The following ZNF93 variants were observed in gnomAD, a reference collection of about 807,000 sequenced individuals.
The protein encoded by ZNF93 is zinc finger protein 93.
ZNF93 carries 29 observed loss-of-function variants against 45.0 expected under a neutral mutation model. The observed-to-expected ratio is 0.64, with a 90% CI of 0.48 to 0.88. ZNF93 has a LOEUF of 0.88. Among genes scored for constraint, ZNF93 ranks in the 40% least tolerant of loss-of-function variants. The pLI is 0.00. For synonymous variants in ZNF93, 223 were observed against 244.6 expected, an observed-to-expected ratio of 0.91 and a Z score of 0.82; for missense variants, 578 against 724.0, an observed-to-expected ratio of 0.80 and a Z score of 2.31.
At chr19:19,906,148 C>T (rs958645653) in intron 1 of ZNF93, among the ~76,000 whole-genome samples, 1 of 151,900 alleles carries the variant, frequency 6.6e-6, no homozygotes, top group East Asian at 1.9e-4. Context: ...CTCCCACCAG[C>T]GGAGTATAAG....
At chr19:19,924,278 A>G (rs1453694158) in intron 3 of ZNF93, among the ~76,000 whole-genome samples, 1 of 151,996 alleles carries the variant, frequency 6.6e-6, no homozygotes, top group Non-Finnish European at 1.5e-5. Flanking sequence ...TTTAGTAGAG[A>G]TGAGGTTTCA....
intron 3 of ZNF93, among the ~76,000 whole-genome samples, chr19:19,919,669 A>G (rs143779429): frequency 6.6e-6 from 1 of 152,092 alleles, no homozygotes; most frequent in African/African-American, 2.4e-5. Flanking sequence ...GATCCTTCAC[A>G]TCCCTTTTAA....
intron 1 of ZNF93, chr19:19,909,270 G>A (rs771940423): frequency 2.0e-4 from 30 of 152,396 alleles, no homozygotes; most frequent in Non-Finnish European, 3.8e-4. Context: ...TAGCAACTAG[G>A]AGAAAGTAAA....
intron 1 of ZNF93, among the ~76,000 whole-genome samples, chr19:19,910,747 A>T (rs2063305454): frequency 6.6e-6 from 1 of 151,972 alleles, no homozygotes; most frequent in South Asian, 2.1e-4. Context: ...ACTTGCTGTA[A>T]CACCAAAGGA....
chr19:19,914,033 TC>T lies in ZNF93; in HGVS notation c.4-1246del, dbSNP rs1555779749. On this transcript the variant is annotated intron_variant, in intron 1 of 3. Coordinates refer to ENST00000343769, the MANE Select transcript of ZNF93 (RefSeq NM_031218.4). ...ATTTCTTTTTTATATCCCACAGACT[TC>T]TCTACATTCTGTTTGTCATAGCTTC... 3.8e-5 allele frequency among the ~76,000 whole-genome samples: 4 copies of T among 105,366 alleles called. No individual in the cohort carries two copies. The Admixed American group carries it at 3.9e-4, about 10-fold the overall frequency. 69.1% of individuals were successfully genotyped at this position (105,366 alleles called of 152,430 possible).
At chr19:19,901,219 C>G (rs1415797795) in intron 1 of ZNF93, 128 bp downstream of exon 1, 1 of 1,482,104 alleles carries the variant, frequency 6.7e-7, no homozygotes, top group Admixed American at 1.7e-5. Flanking sequence ...TCTTGCCCAG[C>G]TCGGCCTCGG....
intron 3 of ZNF93, among the ~76,000 whole-genome samples, chr19:19,922,544 G>T (rs530285926): frequency 5.9e-5 from 9 of 152,296 alleles, no homozygotes; most frequent in African/African-American, 1.9e-4. Context: ...TTCCAGCTTG[G>T]TTCCATTCTC....
chr19:19,929,855 G>A (rs903524904), intron 3 of ZNF93, among the ~76,000 whole-genome samples: 5 of 146,254 alleles, frequency 3.4e-5, no homozygotes, highest in Non-Finnish European at 6.0e-5. Context: ...GGAGAATGGC[G>A]TGAACCCGGG....
rs970431745 is a variant in ZNF93 at position 19,934,782 on chromosome 19, T to G, written c.1827T>G (p.Ser609Arg). 1 of 1,601,578 alleles carries G rather than the reference T, an allele frequency of 6.2e-7. No homozygotes were observed. The highest frequency in any genetic ancestry group is 1.7e-5 in the Admixed American group (1 of 57,692). ...GKAFISPSSL[S>R]RHEIIHTGEK... ...CCTTTATTTCACCCTCAAGCCTTAG[T>G]AGACATGAGATAATTCATACTGGGG... is the stretch of plus-strand genomic sequence containing the variant. Residue 609 changes from serine to arginine, a missense_variant, in exon 4 of 4, where the codon AGT (serine) becomes AGG (arginine). Physicochemically the swap from Ser to Arg is moderately radical, Grantham distance 110 (BLOSUM62 -1). This residue lies in a region of ZNF93 where 119 missense variants were observed against 123.1 expected (regional missense o/e 0.97). Transcript: ENST00000343769.
chr19:19,932,077 C>G (rs530768507), intron 3 of ZNF93: 2 of 296,960 alleles, frequency 6.7e-6, no homozygotes, highest in Non-Finnish European at 1.3e-5. Flanking sequence ...AGATCGAGAC[C>G]ATCTGGCCAA....
rs2063388509 is a variant in ZNF93, at chr19:19,934,901, T to C, written c.*83T>C. On this transcript the variant is annotated 3_prime_UTR_variant, in exon 4 of 4. Coordinates refer to ENST00000343769, the MANE Select transcript of ZNF93 (RefSeq NM_031218.4). Reference sequence around the variant, plus strand: ...GAGTTCTGAACTTACTCTGTAACCATCCCAAACTCCTCCCAGGCACAGTCT... The same window carrying C: ...GAGTTCTGAACTTACTCTGTAACCACCCCAAACTCCTCCCAGGCACAGTCT... 4 of 1,420,772 alleles carry C rather than the reference T, an allele frequency of 2.8e-6. No homozygotes were observed. Among genetic ancestry groups the C allele is most frequent in the Non-Finnish European group, 3.8e-6 (4 of 1,054,218 alleles). 88.0% of individuals were successfully genotyped at this position (1,420,772 alleles called of 1,614,324 possible). A position where few individuals can be genotyped will look rare whatever the true frequency, so the allele number is the denominator to read the frequency against.
At chr19:19,902,320 G>A (rs2063275523) in intron 1 of ZNF93, among the ~76,000 whole-genome samples, 1 of 151,886 alleles carries the variant, frequency 6.6e-6, no homozygotes, top group African/African-American at 2.4e-5. Context: ...GTACAGTGGC[G>A]CAATCATGGC....
intron 3 of ZNF93, among the ~76,000 whole-genome samples, chr19:19,928,355 A>G (rs1275585705): frequency 6.6e-6 from 1 of 152,176 alleles, no homozygotes; most frequent in African/African-American, 2.4e-5. Context: ...TGTAGGTTGT[A>G]TTGATATCTT....
intron 3 of ZNF93, among the ~76,000 whole-genome samples, chr19:19,929,148 A>C (rs1435881538): frequency 6.6e-6 from 1 of 152,106 alleles, no homozygotes; most frequent in Non-Finnish European, 1.5e-5. Context: ...TGGCTTCTTC[A>C]CCTCATACTT....
At chr19:19,931,962 C>T (rs1161654090) in intron 3 of ZNF93, 1 of 381,436 alleles carries the variant, frequency 2.6e-6, no homozygotes, top group Non-Finnish European at 5.1e-6. Flanking sequence ...CTATATTTTC[C>T]AGTTTGTTAT....
rs191896900 is a variant in ZNF93 at position 19,933,451 on chromosome 19, A to G, written c.496A>G (p.Arg166Gly). ...KFSNSNRHNI[R>G]HTEKKPFKCI... ...TTCAAATTCAAATAGACATAATATA[A>G]GACATACTGAAAAAAAACCTTTCAA... is the stretch of plus-strand genomic sequence containing the variant. The change falls in exon 4 of 4, where the codon AGA becomes GGA. Residue 166 changes from arginine to glycine, a missense_variant. Arg to Gly is a moderately radical substitution (Grantham distance 125, BLOSUM62 -2). Coordinates refer to ENST00000343769, the MANE Select transcript of ZNF93 (RefSeq NM_031218.4). 1 of 1,604,466 alleles carries G rather than the reference A, an allele frequency of 6.2e-7. No homozygotes were observed. Among genetic ancestry groups the G allele is most frequent in the Non-Finnish European group, 8.5e-7 (1 of 1,177,088 alleles).
rs756182992 is a variant in ZNF93, at chr19:19,933,603, T to G, written c.648T>G (p.Leu216=). ...AAGCCTTTAAGTACTCCTCTGCCCT[T>G]AATACACATAAGAGAATTCATACTG... ...CGKAFKYSSA[L]NTHKRIHTGE... The change falls in exon 4 of 4, where the codon CTT becomes CTG. Residue 216 remains leucine (L), a synonymous_variant. Transcript: ENST00000343769. 4.1e-5 allele frequency: 66 copies of G among 1,608,742 alleles called. No homozygotes were observed. In the East Asian group the frequency reaches 1.2e-3, roughly 30 times the overall value.
chr19:19,929,943 A>C (rs2063368183), intron 3 of ZNF93, among the ~76,000 whole-genome samples: 1 of 124,576 alleles, frequency 8.0e-6, no homozygotes, highest in Non-Finnish European at 1.6e-5. Flanking sequence ...GTCTCAAAAA[A>C]AAAAAAAAAA....
At chr19:19,901,728 A>G (rs2063272238) in intron 1 of ZNF93, among the ~76,000 whole-genome samples, 1 of 152,140 alleles carries the variant, frequency 6.6e-6, no homozygotes, top group African/African-American at 2.4e-5. Flanking sequence ...AACCAGGATC[A>G]GCTTAGATTG....
Sources: gnomAD v4.1 joint callset for allele counts (sites outside exome capture counted in the v4.1 genomes callset) on GRCh38, gnomAD v4.1.1 for gene constraint, gnomAD v4.1.1 regional missense constraint, MANE v1.5 for transcripts, NCBI Gene and HGNC (gene_info 2026-07-23, HGNC 2026-07-21) for gene names.